The following COPG2 variants were observed in gnomAD, a reference collection of about 807,000 sequenced individuals.
COPG2 encodes coatomer subunit gamma-2.
In COPG2, 37 loss-of-function variants were observed where a neutral mutation model predicts 46.3. That is an observed-to-expected ratio of 0.80 (90% CI 0.61 to 1.05). COPG2 has a LOEUF of 1.05. Ranked by LOEUF, COPG2 falls within the 50% of genes least tolerant of loss-of-function variation. The pLI, the probability that COPG2 is intolerant of heterozygous loss-of-function variation, is 0.00. For synonymous variants in COPG2, 159 were observed against 129.7 expected (o/e 1.23, Z -1.53); for missense variants, 427 against 387.8 (o/e 1.10, Z -0.85).
chr7:130,641,992 T>C (rs1279889512), intron 5 of COPG2, among the ~76,000 whole-genome samples: 1 of 152,212 alleles, frequency 6.6e-6, no homozygotes, highest in Non-Finnish European at 1.5e-5. Flanking sequence ...CACATACTGA[T>C]GCCCACTCCC....
At chr7:130,628,566 T>A (rs1795163146) in intron 5 of COPG2, among the ~76,000 whole-genome samples, 1 of 152,222 alleles carries the variant, frequency 6.6e-6, no homozygotes, top group South Asian at 2.1e-4. Flanking sequence ...CATACAGCTA[T>A]TGTCCAGAAT....
intron 20 of COPG2, among the ~76,000 whole-genome samples, chr7:130,512,382 AAG>A (rs1209860354): frequency 7.8e-4 from 119 of 152,134 alleles, no homozygotes; most frequent in African/African-American, 2.6e-3. Flanking sequence ...TTGATTTATT[AAG>A]AGAGTGTGAA....
intron 19 of COPG2, among the ~76,000 whole-genome samples, chr7:130,548,128 T>C (rs1229210334): frequency 2.0e-5 from 3 of 152,236 alleles, no homozygotes; most frequent in African/African-American, 7.2e-5. Flanking sequence ...CCACTTAATC[T>C]ACCCTGATGT....
chr7:130,607,493 T>C (rs1554451447), intron 9 of COPG2: 3 of 437,724 alleles, frequency 6.9e-6, no homozygotes, highest in Non-Finnish European at 1.4e-5. Context: ...GGAGTTTCTT[T>C]AGCAAGAAGC....
chr7:130,561,129 G>A lies in COPG2; in HGVS notation c.1032C>T (p.Ala344=). 1 of 398,564 alleles carries A rather than the reference G, an allele frequency of 2.5e-6. No homozygotes were observed. Among genetic ancestry groups the A allele is most frequent in the Non-Finnish European group, 4.4e-6 (1 of 226,036 alleles). The allele number at this position is 398,564 out of a possible 1,614,324, so 24.7% of individuals were successfully genotyped here. The change falls in exon 12 of 24, where the codon GCC becomes GCT. Residue 344 remains alanine (A), a synonymous_variant. Transcript: ENST00000425248. ...TTCCTGTTTTGAGGAGTGTAGTAAT[G>A]GCTAAGGTAGCAATGCTTCTGTTTG... ...TDSNRSIATL[A]ITTLLKTGSE... is the part of the protein sequence containing the mutation.
intron 20 of COPG2, among the ~76,000 whole-genome samples, chr7:130,540,089 T>G: frequency 6.6e-6 from 1 of 150,856 alleles, no homozygotes; most frequent in African/African-American, 2.4e-5. Flanking sequence ...ACTGACTGGG[T>G]TGGAAAGGAG....
chr7:130,607,475 G>C (rs1349217304), intron 9 of COPG2: 1 of 442,694 alleles, frequency 2.3e-6, no homozygotes, highest in Non-Finnish European at 4.5e-6. Context: ...AAAGACTCTA[G>C]AACTCATGGA....
intron 1 of COPG2, among the ~76,000 whole-genome samples, chr7:130,668,395 C>CGCGCGCGGGCGCCGGGGCGGGA (rs1161833514): frequency 2.1e-4 from 31 of 148,660 alleles, no homozygotes; most frequent in Non-Finnish European, 4.3e-4. Flanking sequence ...GGGAACGGGG[C>CGCGCGCGGGCGCCGGGGCGGGA]GCGCGCGGGC....
chr7:130,534,755 G>C lies in COPG2; in HGVS notation c.2149+12919C>G, dbSNP rs981704901. ...GGTGTAGTAAAGGTAGTGTGGCCAA[G>C]AGGGAAAGAGGAAACGGTGGATCTG... On this transcript the variant is annotated intron_variant, in intron 20 of 23. Transcript: ENST00000425248. Among the ~76,000 whole-genome samples, 571 of 152,266 alleles carry C rather than the reference G, an allele frequency of 3.8e-3. 5 individuals carry two copies. The highest frequency in any genetic ancestry group is 0.013 in the African/African-American group (545 of 41,538).
At position 130,631,193 on chromosome 7, in the gene COPG2, ATGGAGACTTGCTCTGTCACCCAGGC is replaced by A. The variant is rs1554455139; in HGVS notation, c.324-14153_324-14129del. Among the ~76,000 whole-genome samples, 58 of 108,322 alleles carry A rather than the reference ATGGAGACTTGCTCTGTCACCCAGGC, an allele frequency of 5.4e-4. No homozygotes were observed. In the East Asian group the frequency reaches 0.015, roughly 28 times the overall value. The allele number at this position is 108,322 out of a possible 152,430, so 71.1% of individuals were successfully genotyped here. On this transcript the variant is annotated intron_variant, in intron 5 of 23. Transcript: ENST00000425248. ...TTTTCTTTTTTTTTTTTTTTTTGAG[ATGGAGACTTGCTCTGTCACCCAGGC>A]TGGAGTGCAGTGGCATCATCTGGGC... is the stretch of plus-strand genomic sequence containing the variant.
chr7:130,523,137 A>AAAAAAGGC (rs1799739494), intron 20 of COPG2, among the ~76,000 whole-genome samples: 1 of 150,514 alleles, frequency 6.6e-6, no homozygotes, highest in African/African-American at 2.4e-5. Context: ...AAAAAAAAGA[A>AAAAAAGGC]GGCTCCAGGC....
intron 9 of COPG2, among the ~76,000 whole-genome samples, chr7:130,598,421 C>A (rs1339013894): frequency 6.6e-6 from 1 of 152,150 alleles, no homozygotes; most frequent in African/African-American, 2.4e-5. Context: ...TCCTAAACTT[C>A]CTGGGAGAAA....
At chr7:130,608,630 T>C (rs1554451613) in intron 9 of COPG2, among the ~76,000 whole-genome samples, 1 of 152,202 alleles carries the variant, frequency 6.6e-6, no homozygotes, top group Non-Finnish European at 1.5e-5. Flanking sequence ...AGATGTCCAT[T>C]ATCCTCTCGT....
intron 4 of COPG2, among the ~76,000 whole-genome samples, chr7:130,653,321 G>T (rs1438560253): frequency 6.6e-6 from 1 of 152,122 alleles, no homozygotes; most frequent in South Asian, 2.1e-4. Flanking sequence ...TGGCGCAATC[G>T]TGGCTCACCA....
At chr7:130,538,054 TGAG>T (rs1318353885) in intron 20 of COPG2, among the ~76,000 whole-genome samples, 1 of 151,966 alleles carries the variant, frequency 6.6e-6, no homozygotes, top group Non-Finnish European at 1.5e-5. Context: ...TACAGCAAGT[TGAG>T]GACATGGAAG....
chr7:130,568,732 G>A (rs991125113), intron 9 of COPG2, among the ~76,000 whole-genome samples: 1 of 150,716 alleles, frequency 6.6e-6, no homozygotes, highest in Non-Finnish European at 1.5e-5. Context: ...TTTACAGAAC[G>A]TTCTACCCAA....
intron 14 of COPG2, 129 bp from the exon 15 acceptor site, chr7:130,552,559 T>C: frequency 2.5e-6 from 1 of 392,872 alleles, no homozygotes. Context: ...TTATTGAGTG[T>C]TTCTTGATCT....
At chr7:130,601,391 T>C (rs1487501588) in intron 9 of COPG2, among the ~76,000 whole-genome samples, 2 of 152,182 alleles carry the variant, frequency 1.3e-5, no homozygotes, top group Non-Finnish European at 1.5e-5. Context: ...CTATTCACAA[T>C]AGCAAAGACT....
intron 20 of COPG2, among the ~76,000 whole-genome samples, chr7:130,531,484 G>A (rs1402633241): frequency 1.3e-5 from 2 of 151,876 alleles, no homozygotes; most frequent in Non-Finnish European, 2.9e-5. Context: ...ACACCCAGAA[G>A]AACAGGTGGA....
Sources: allele counts gnomAD v4.1 joint callset (sites outside exome capture counted in the v4.1 genomes callset), GRCh38; gene constraint gnomAD v4.1.1; transcripts MANE v1.5; gene names NCBI Gene and HGNC (gene_info 2026-07-23, HGNC 2026-07-21).